The following OSBPL10 variants were observed in gnomAD, a reference collection of about 807,000 sequenced individuals.
OSBPL10 encodes the protein oxysterol binding protein like 10.
OSBPL10 carries 49 observed loss-of-function variants against 81.7 expected under a neutral mutation model. The ratio of observed to expected loss-of-function variants is 0.60; its 90% CI spans 0.48 to 0.76. The LOEUF is 0.76. Ranked by LOEUF, OSBPL10 falls within the 30% of genes least tolerant of loss-of-function variation. OSBPL10 has a pLI of 0.00. For missense variants in OSBPL10, 923 were observed against 987.8 expected, an observed-to-expected ratio of 0.93 and a Z score of 0.88; for synonymous variants, 419 against 383.6, an observed-to-expected ratio of 1.09 and a Z score of -1.08.
At chr3:31,670,086 C>G (rs1700286173) in intron 9 of OSBPL10, among the ~76,000 whole-genome samples, 1 of 152,182 alleles carries the variant, frequency 6.6e-6, no homozygotes, top group Non-Finnish European at 1.5e-5. Flanking sequence ...GAAGTACACA[C>G]AAATCAGTTC....
At chr3:32,010,517 A>T (rs1215590896) in intron 2 of OSBPL10, among the ~76,000 whole-genome samples, 3 of 152,212 alleles carry the variant, frequency 2.0e-5, no homozygotes, top group African/African-American at 7.2e-5. Flanking sequence ...AGCATGAGCA[A>T]TGCAGAATAT....
chr3:31,894,527 CTAAT>C (rs1695999285), intron 1 of OSBPL10, among the ~76,000 whole-genome samples: 2 of 152,156 alleles, frequency 1.3e-5, no homozygotes, highest in South Asian at 4.1e-4. Context: ...TCCCATGGCC[CTAAT>C]TTATTGTCAA....
intron 3 of OSBPL10, among the ~76,000 whole-genome samples, chr3:31,836,191 A>C (rs1036820796): frequency 7.9e-5 from 12 of 152,344 alleles, no homozygotes; most frequent in African/African-American, 2.6e-4. Flanking sequence ...AACATTAAGT[A>C]ACCAGGCATA....
chr3:31,799,572 T>A (rs1013052551), intron 4 of OSBPL10, among the ~76,000 whole-genome samples: 1 of 152,082 alleles, frequency 6.6e-6, no homozygotes, highest in Non-Finnish European at 1.5e-5. Flanking sequence ...CATGGAGGTG[T>A]TGGTGAAGAT....
intron 1 of OSBPL10, chr3:32,064,164 A>G (rs1030028456): frequency 1.1e-5 from 1 of 92,514 alleles, no homozygotes; most frequent in African/African-American, 2.8e-5. Flanking sequence ...GGTTTCACCA[A>G]TGTTGCCCAG....
chr3:32,072,115 A>G (rs1699834483), intron 1 of OSBPL10, among the ~76,000 whole-genome samples: 2 of 152,178 alleles, frequency 1.3e-5, no homozygotes. Flanking sequence ...GTCAATATTT[A>G]TACTGACTCT....
intron 6 of OSBPL10, among the ~76,000 whole-genome samples, chr3:31,722,465 A>G (rs1392720227): frequency 6.6e-6 from 1 of 152,168 alleles, no homozygotes; most frequent in African/African-American, 2.4e-5. Flanking sequence ...GAATTTCTGT[A>G]TAATATTACA....
chr3:31,832,033 T>C (rs1404198031), intron 3 of OSBPL10, among the ~76,000 whole-genome samples: 2 of 152,238 alleles, frequency 1.3e-5, no homozygotes, highest in African/African-American at 2.4e-5. Context: ...AATGGAATAC[T>C]ACCAAGCTGT....
intron 1 of OSBPL10, among the ~76,000 whole-genome samples, chr3:31,965,460 TTATATAA>T (rs1245237801): frequency 2.6e-5 from 1 of 38,312 alleles, no homozygotes; most frequent in Non-Finnish European, 3.4e-5. Flanking sequence ...AATATATAAT[TTATATAA>T]TATATATTAT....
Position 31,878,579 on chromosome 3 carries a change from G to T in OSBPL10, c.457+1076C>A, listed in dbSNP as rs79541640. Reference sequence around the variant, plus strand: ...TCCATCTCTTGGGTAGTGAAGCTTGGCAGAAGAATGGTGAAAACTGGGCTG... The same window carrying T: ...TCCATCTCTTGGGTAGTGAAGCTTGTCAGAAGAATGGTGAAAACTGGGCTG... On this transcript the variant is annotated intron_variant, in intron 2 of 11. Coordinates refer to ENST00000396556, the MANE Select transcript of OSBPL10 (RefSeq NM_017784.5). 5.4e-3 allele frequency among the ~76,000 whole-genome samples: 823 copies of T among 152,250 alleles called. 36 individuals carry two copies. The East Asian group carries it at 0.11, about 21-fold the overall frequency.
chr3:31,885,995 CAA>C (rs397957994), intron 1 of OSBPL10, among the ~76,000 whole-genome samples: 5 of 62,534 alleles, frequency 8.0e-5, no homozygotes, highest in African/African-American at 1.3e-4. Context: ...AACTCCATCT[CAA>C]AAAAAAAAAA....
At chr3:31,729,918 C>T (rs1373797714) in intron 6 of OSBPL10, among the ~76,000 whole-genome samples, 2 of 152,186 alleles carry the variant, frequency 1.3e-5, no homozygotes, top group Admixed American at 6.5e-5. Flanking sequence ...GCCAGCAGCA[C>T]GAGCAGGAGG....
intron 3 of OSBPL10, among the ~76,000 whole-genome samples, chr3:31,845,357 C>G (rs1700602936): frequency 6.6e-6 from 1 of 152,020 alleles, no homozygotes; most frequent in Non-Finnish European, 1.5e-5. Context: ...TGGACAAAAA[C>G]TGAGAGATAC....
chr3:31,805,693 C>T (rs945960456), intron 4 of OSBPL10, among the ~76,000 whole-genome samples: 4 of 152,120 alleles, frequency 2.6e-5, no homozygotes, highest in African/African-American at 9.7e-5. Flanking sequence ...TGATGGTAGG[C>T]GCTGAATGCT....
intron 1 of OSBPL10, among the ~76,000 whole-genome samples, chr3:31,970,429 G>A (rs1698526760): frequency 6.6e-6 from 1 of 152,114 alleles, no homozygotes; most frequent in Non-Finnish European, 1.5e-5. Context: ...TATTCCAACA[G>A]GAAAGGAAAA....
rs184664933 is a variant in OSBPL10, at chr3:31,931,242, A to C, written c.281+49657T>G. 2.0e-3 allele frequency among the ~76,000 whole-genome samples: 307 copies of C among 152,150 alleles called. 3 individuals are homozygous for C. Among genetic ancestry groups the C allele is most frequent in the Admixed American group, 0.019 (289 of 15,288 alleles). On this transcript the variant is annotated intron_variant, in intron 1 of 11. Transcript: ENST00000396556. ...TAATACCTACTAAAAAATGAATTCA[A>C]ATTAAATTTTTAAAAAATCTTAGTA...
Position 31,663,505 on chromosome 3 carries a change from C to T in OSBPL10, c.2250+574G>A, listed in dbSNP as rs1280319146. On this transcript the variant is annotated intron_variant, in intron 11 of 11. Transcript: ENST00000396556. The stretch of plus-strand genomic sequence containing the variant: ...CTTCAGCTGGGCACACAGTGCCCTG[C>T]CCACTTGCCCAGATATTATTTCTAG... 7 of 996,714 alleles carry T rather than the reference C, an allele frequency of 7.0e-6. No individual in the cohort carries two copies. In the East Asian group the frequency reaches 5.3e-4, roughly 75 times the overall value. 61.7% of individuals were successfully genotyped at this position (996,714 alleles called of 1,614,324 possible). A position where few individuals can be genotyped will look rare whatever the true frequency, so the allele number is the denominator to read the frequency against.
At chr3:31,972,138 C>A (rs1698583614) in intron 1 of OSBPL10, among the ~76,000 whole-genome samples, 1 of 152,214 alleles carries the variant, frequency 6.6e-6, no homozygotes, top group Non-Finnish European at 1.5e-5. Context: ...CCTGTAATCC[C>A]AGCACTTCGG....
chr3:31,981,165 G>A lies in OSBPL10; in HGVS notation c.15C>T (p.Val5=). Reference sequence around the variant, plus strand: ...TACCCCCGCCGCCGTCTGTGCCCTGGACTGCCCTCTCCATGGTCCGTGGGC... The same window carrying A: ...TACCCCCGCCGCCGTCTGTGCCCTGAACTGCCCTCTCCATGGTCCGTGGGC... MERA[V]QGTDGGGGSN... The change falls in exon 1 of 12, where the codon GTC becomes GTT. Residue 5 remains valine, a synonymous_variant. Transcript: ENST00000396556. This position sits in a 1 kb window ranked among gnomAD's most constrained non-coding sequence, Gnocchi z 4.5. 6.7e-7 allele frequency: 1 copy of A among 1,482,306 alleles called. No homozygotes were observed. The highest frequency in any genetic ancestry group is 1.3e-5 in the South Asian group (1 of 78,340). The allele number at this position is 1,482,306 out of a possible 1,614,324, so 91.8% of individuals were successfully genotyped here. A position where few individuals can be genotyped will look rare whatever the true frequency, so the allele number is the denominator to read the frequency against.
Sources: gnomAD v4.1 joint callset for allele counts (sites outside exome capture counted in the v4.1 genomes callset) on GRCh38, gnomAD v4.1.1 for gene constraint, Gnocchi (gnomAD v3.1) non-coding constraint, MANE v1.5 for transcripts, NCBI Gene and HGNC (gene_info 2026-07-23, HGNC 2026-07-21) for gene names.